The following PICALM variants were observed in gnomAD, a reference collection of about 807,000 sequenced individuals.
PICALM encodes the protein phosphatidylinositol-binding clathrin assembly protein.
In PICALM, 40 loss-of-function variants were observed where a neutral mutation model predicts 80.5. The ratio of observed to expected loss-of-function variants is 0.50; its 90% CI spans 0.39 to 0.65. The LOEUF is 0.65. Among genes scored for constraint, PICALM ranks in the 30% least tolerant of loss-of-function variants. PICALM has a pLI of 0.00. For synonymous variants in PICALM, 288 were observed against 260.3 expected, an observed-to-expected ratio of 1.11 and a Z score of -1.02; for missense variants, 676 against 778.9, an observed-to-expected ratio of 0.87 and a Z score of 1.57.
In PICALM at chr11:85,992,233, T is replaced by G. The variant is rs1449214570; in HGVS notation, c.1259-1834A>C. On this transcript the variant is annotated intron_variant, in intron 12 of 19. Transcript: ENST00000393346. ...GCTTCTTCTTGCATAAGAAAGGAGT[T>G]GCATTAAGCTTACAGTTGGCCAGTT... Among the ~76,000 whole-genome samples, 3 of 151,942 alleles carry G rather than the reference T, an allele frequency of 2.0e-5. No individual in the cohort carries two copies. The East Asian group carries it at 5.8e-4, about 29-fold the overall frequency.
chr11:85,977,798 T>C (rs924458518), intron 17 of PICALM, among the ~76,000 whole-genome samples: 1 of 152,114 alleles, frequency 6.6e-6, no homozygotes, highest in Non-Finnish European at 1.5e-5. Context: ...ATCAAGTGCA[T>C]AGTGGCAGCA....
At chr11:85,999,223 G>T (rs1352971607) in intron 11 of PICALM, among the ~76,000 whole-genome samples, 2 of 152,166 alleles carry the variant, frequency 1.3e-5, no homozygotes, top group Non-Finnish European at 2.9e-5. Flanking sequence ...TTGAAGACAT[G>T]TCTTTTAGAT....
chr11:86,046,476 T>C (rs2096073168), intron 1 of PICALM, among the ~76,000 whole-genome samples: 1 of 152,238 alleles, frequency 6.6e-6, no homozygotes, highest in Non-Finnish European at 1.5e-5. Context: ...CTTTAAAGCA[T>C]CATTACAAAT....
chr11:86,028,642 C>T (rs565719930), intron 2 of PICALM, among the ~76,000 whole-genome samples: 1 of 152,214 alleles, frequency 6.6e-6, no homozygotes, highest in Non-Finnish European at 1.5e-5. Context: ...TTACCCAAGT[C>T]ACCCAGTTGG....
At chr11:86,057,544 A>C (rs193050610) in intron 1 of PICALM, among the ~76,000 whole-genome samples, 244 of 151,734 alleles carry the variant, frequency 1.6e-3, no homozygotes, top group African/African-American at 5.6e-3. Context: ...TCTCAAAAAC[A>C]AACAAACATA....
intron 1 of PICALM, among the ~76,000 whole-genome samples, chr11:86,049,619 C>G (rs1380520228): frequency 6.6e-6 from 1 of 151,388 alleles, no homozygotes; most frequent in Admixed American, 6.6e-5. Flanking sequence ...GTGGCGCAAT[C>G]TCGGGGTTTC....
chr11:85,986,414 C>T (rs939615516), intron 13 of PICALM, among the ~76,000 whole-genome samples: 64 of 115,760 alleles, frequency 5.5e-4, no homozygotes, highest in Non-Finnish European at 8.7e-4. Flanking sequence ...GACGGAGTCT[C>T]GCTCTGTCAC....
rs2458496 is a variant in PICALM at position 86,007,773 on chromosome 11, C to G, written c.766-190G>C. Among the ~76,000 whole-genome samples the G allele has an allele frequency of 0.82, 124,443 of 152,028 alleles. 51,138 individuals are homozygous for G. Among genetic ancestry groups the G allele is most frequent in the African/African-American group, 0.89 (36,896 of 41,476 alleles). ...ATATTATTTGGTGGCCCTAAAAGTT[C>G]TTAACAGTAGGGAAACTAGAGTTGG... On this transcript the variant is annotated intron_variant, in intron 7 of 19. Transcript: ENST00000393346.
intron 1 of PICALM, among the ~76,000 whole-genome samples, chr11:86,051,556 G>T (rs531302579): frequency 6.6e-6 from 1 of 152,168 alleles, no homozygotes; most frequent in East Asian, 1.9e-4. Flanking sequence ...AGCTACTTGG[G>T]AGGCTGAAGC....
intron 1 of PICALM, among the ~76,000 whole-genome samples, chr11:86,066,002 A>T (rs2096442639): frequency 6.6e-6 from 1 of 152,198 alleles, no homozygotes; most frequent in Non-Finnish European, 1.5e-5. Context: ...AGATTCATAT[A>T]AATAAGCATC....
intron 1 of PICALM, among the ~76,000 whole-genome samples, chr11:86,047,501 T>G (rs1378579551): frequency 1.3e-5 from 2 of 152,208 alleles, no homozygotes; most frequent in Admixed American, 6.5e-5. Context: ...GCCAAGAATG[T>G]CAGAGAACAA....
intron 19 of PICALM, among the ~76,000 whole-genome samples, chr11:85,965,801 CATTTT>C (rs2093858969): frequency 7.2e-6 from 1 of 138,796 alleles, no homozygotes; most frequent in Non-Finnish European, 1.5e-5. Context: ...ATGCATTACC[CATTTT>C]GTTTTTTTGT....
At chr11:85,976,854 T>C (rs962710034) in intron 17 of PICALM, 172 bp from the exon 18 acceptor site, 7 of 522,366 alleles carry the variant, frequency 1.3e-5, no homozygotes, top group Non-Finnish European at 2.4e-5. Context: ...AAAAAGTGTT[T>C]TGAAATTAGC....
At chr11:86,014,676 C>T (rs946556233) in intron 5 of PICALM, among the ~76,000 whole-genome samples, 194 bp downstream of exon 5, 3 of 151,956 alleles carry the variant, frequency 2.0e-5, no homozygotes, top group Non-Finnish European at 2.9e-5. Flanking sequence ...TAGAGAAGCA[C>T]TAAAGAAATA....
chr11:86,013,502 G>A (rs1452870376), intron 5 of PICALM, among the ~76,000 whole-genome samples: 1 of 151,990 alleles, frequency 6.6e-6, no homozygotes, highest in Non-Finnish European at 1.5e-5. Flanking sequence ...CACACACACA[G>A]AGGGAGAGAC....
intron 1 of PICALM, among the ~76,000 whole-genome samples, chr11:86,061,883 C>A (rs1943264073): frequency 6.7e-6 from 1 of 148,664 alleles, no homozygotes; most frequent in Non-Finnish European, 1.5e-5. Flanking sequence ...AGTAAATGGA[C>A]AAATAAACCC....
At chr11:86,038,025 A>G (rs2095873815) in intron 1 of PICALM, among the ~76,000 whole-genome samples, 1 of 152,228 alleles carries the variant, frequency 6.6e-6, no homozygotes, top group Non-Finnish European at 1.5e-5. Context: ...TGGTACAAGA[A>G]TAAGAGTGGC....
At chr11:86,051,984 C>A (rs901516113) in intron 1 of PICALM, among the ~76,000 whole-genome samples, 2 of 152,192 alleles carry the variant, frequency 1.3e-5, no homozygotes, top group African/African-American at 4.8e-5. Context: ...TTGCCCAAGA[C>A]ATAGAAAGGT....
At chr11:86,032,781 T>C (rs907690779) in intron 1 of PICALM, among the ~76,000 whole-genome samples, 1 of 152,220 alleles carries the variant, frequency 6.6e-6, no homozygotes, top group African/African-American at 2.4e-5. Flanking sequence ...CATTAATTTG[T>C]TCACTTTTAA....
Sources: gnomAD v4.1 joint callset for allele counts (sites outside exome capture counted in the v4.1 genomes callset) on GRCh38, gnomAD v4.1.1 for gene constraint, MANE v1.5 for transcripts, NCBI Gene and HGNC (gene_info 2026-07-23, HGNC 2026-07-21) for gene names.